SUGCT: variants seen among roughly 807,000 people sequenced by gnomAD.
The protein encoded by SUGCT is succinyl-CoA:glutarate CoA-transferase.
A neutral mutation model predicts 55.0 loss-of-function variants in SUGCT; 41 were observed. The ratio of observed to expected loss-of-function variants is 0.74; its 90% CI spans 0.58 to 0.97. The LOEUF (loss-of-function observed/expected upper bound fraction) is 0.97. Ranked by LOEUF, SUGCT falls within the 50% of genes least tolerant of loss-of-function variation. The pLI is 0.00. For missense variants in SUGCT, 568 were observed against 547.8 expected, an observed-to-expected ratio of 1.04 and a Z score of -0.37; for synonymous variants, 187 against 200.4, an observed-to-expected ratio of 0.93 and a Z score of 0.56.
intron 10 of SUGCT, among the ~76,000 whole-genome samples, chr7:40,450,331 T>G (rs1723861099): frequency 6.6e-6 from 1 of 152,166 alleles, no homozygotes. Context: ...TTTTCTGGTT[T>G]TAATCCAAGT....
intron 13 of SUGCT, among the ~76,000 whole-genome samples, chr7:40,769,614 A>C (rs1788987192): frequency 6.6e-6 from 1 of 152,190 alleles, no homozygotes. Flanking sequence ...GAAACTGAAA[A>C]AGGCAAGGAA....
intron 9 of SUGCT, among the ~76,000 whole-genome samples, chr7:40,321,184 TC>T (rs1481538124): frequency 4.0e-5 from 6 of 150,252 alleles, no homozygotes; most frequent in African/African-American, 9.9e-5. Context: ...CAAGTGATTC[TC>T]CCCCCTCGGC....
intron 12 of SUGCT, among the ~76,000 whole-genome samples, chr7:40,707,165 C>A (rs1455826454): frequency 1.3e-5 from 2 of 151,936 alleles, no homozygotes; most frequent in African/African-American, 4.8e-5. Context: ...AAAAGAAGAA[C>A]CTGCCTTTAA....
intron 12 of SUGCT, among the ~76,000 whole-genome samples, chr7:40,619,433 A>T (rs1799160676): frequency 6.6e-6 from 1 of 152,158 alleles, no homozygotes; most frequent in South Asian, 2.1e-4. Flanking sequence ...ACATCTATTA[A>T]TTTTGTTTTT....
intron 13 of SUGCT, among the ~76,000 whole-genome samples, chr7:40,809,543 T>A (rs1791294880): frequency 6.6e-6 from 1 of 152,290 alleles, no homozygotes; most frequent in Non-Finnish European, 1.5e-5. Flanking sequence ...GTTAAAGAAG[T>A]ACCATACTAG....
intron 9 of SUGCT, among the ~76,000 whole-genome samples, chr7:40,320,875 T>G (rs1795690106): frequency 1.3e-5 from 2 of 152,198 alleles, no homozygotes; most frequent in Admixed American, 6.5e-5. Flanking sequence ...GGGCTTTTAG[T>G]GCAGTCATCA....
At chr7:40,687,519 G>T (rs1170304661) in intron 12 of SUGCT, among the ~76,000 whole-genome samples, 1 of 152,042 alleles carries the variant, frequency 6.6e-6, no homozygotes, top group Non-Finnish European at 1.5e-5. Context: ...CCATTTGGTG[G>T]CCCCACAGCT....
the SUGCT span, among the ~76,000 whole-genome samples, chr7:40,991,841 T>A: frequency 1.3e-5 from 2 of 152,106 alleles, no homozygotes; most frequent in Admixed American, 6.5e-5. Flanking sequence ...AGCCTTTCCC[T>A]CTTCTGCATG....
intron 9 of SUGCT, among the ~76,000 whole-genome samples, chr7:40,384,043 G>A (rs897045799): frequency 7.9e-5 from 12 of 151,984 alleles, no homozygotes; most frequent in Non-Finnish European, 1.2e-4. Flanking sequence ...TCAACCCCTC[G>A]GTCTCTCTGA....
At chr7:40,527,887 C>T (rs559907671) in intron 12 of SUGCT, among the ~76,000 whole-genome samples, 1 of 152,266 alleles carries the variant, frequency 6.6e-6, no homozygotes, top group Admixed American at 6.5e-5. Context: ...TTCTTTTGTC[C>T]TTACAAAGAT....
intron 9 of SUGCT, among the ~76,000 whole-genome samples, chr7:40,386,882 G>A (rs986126690): frequency 7.9e-5 from 12 of 152,142 alleles, no homozygotes; most frequent in African/African-American, 2.9e-4. Context: ...CCACAGACCA[G>A]CCCTTCCTCA....
At chr7:41,026,281 GT>G in the SUGCT span, among the ~76,000 whole-genome samples, 1 of 152,172 alleles carries the variant, frequency 6.6e-6, no homozygotes, top group East Asian at 1.9e-4. Flanking sequence ...AAGGGGGTAT[GT>G]TTTCTCATCT....
intron 8 of SUGCT, among the ~76,000 whole-genome samples, chr7:40,274,906 ATTC>A (rs1792361617): frequency 6.6e-6 from 1 of 152,102 alleles, no homozygotes; most frequent in Non-Finnish European, 1.5e-5. Context: ...GGTTCAAGCA[ATTC>A]TTCTGCCTCA....
chr7:40,985,817 C>T, the SUGCT span, among the ~76,000 whole-genome samples: 1 of 152,012 alleles, frequency 6.6e-6, no homozygotes, highest in Non-Finnish European at 1.5e-5. Flanking sequence ...AGGATTAGGG[C>T]AAATAGGGAA....
intron 12 of SUGCT, among the ~76,000 whole-genome samples, chr7:40,497,245 C>T (rs1250769646): frequency 6.6e-6 from 1 of 152,010 alleles, no homozygotes; most frequent in Non-Finnish European, 1.5e-5. Flanking sequence ...GCAGGTTTTT[C>T]TTAGAAATAA....
rs568055815 is a variant in SUGCT at position 40,849,993 on chromosome 7, A to C, written c.1154-10323A>C. On this transcript the variant is annotated intron_variant, in intron 13 of 13. Coordinates refer to ENST00000335693, the MANE Select transcript of SUGCT (RefSeq NM_001193313.2). Reference sequence around the variant, plus strand: ...ACAAGGGTTTAGGTGGCATTTGACAAATTCATTTGAAAACAGGAGGTAATA... The same window carrying C: ...ACAAGGGTTTAGGTGGCATTTGACACATTCATTTGAAAACAGGAGGTAATA... Among the ~76,000 whole-genome samples, 5 of 152,272 alleles carry C rather than the reference A, an allele frequency of 3.3e-5. No individual in the cohort carries two copies. The East Asian group carries it at 5.8e-4, about 18-fold the overall frequency.
At chr7:40,556,136 T>C (rs1795550042) in intron 12 of SUGCT, among the ~76,000 whole-genome samples, 1 of 152,140 alleles carries the variant, frequency 6.6e-6, no homozygotes, top group Non-Finnish European at 1.5e-5. Context: ...ATCCCTTGAG[T>C]CCACTTTTTG....
At chr7:40,242,537 G>A (rs1348473968) in intron 7 of SUGCT, among the ~76,000 whole-genome samples, 1 of 151,880 alleles carries the variant, frequency 6.6e-6, no homozygotes, top group African/African-American at 2.4e-5. Context: ...AAGTACTAAA[G>A]CCCAACTTTG....
chr7:40,678,430 A>T (rs953513318), intron 12 of SUGCT, among the ~76,000 whole-genome samples: 5 of 152,198 alleles, frequency 3.3e-5, no homozygotes, highest in African/African-American at 1.2e-4. Flanking sequence ...GTCAAAAAAC[A>T]ATTACCCATA....
Sources: gnomAD v4.1 joint callset for allele counts (sites outside exome capture counted in the v4.1 genomes callset) on GRCh38, gnomAD v4.1.1 for gene constraint, MANE v1.5 for transcripts, NCBI Gene and HGNC (gene_info 2026-07-23, HGNC 2026-07-21) for gene names.